UBR4: variants seen among roughly 807,000 people sequenced by gnomAD.
The protein encoded by UBR4 is E3 ubiquitin-protein ligase UBR4.
Under a neutral mutation model 575.6 loss-of-function variants are expected in UBR4, and 124 were observed. The observed-to-expected ratio is 0.22, with a 90% confidence interval of 0.19 to 0.25. UBR4 has a LOEUF of 0.25. UBR4 is among the 10% of genes least tolerant of loss of function. The pLI is 1.00. For synonymous variants in UBR4, 2,455 were observed against 2,473.7 expected, an observed-to-expected ratio of 0.99 and a Z score of 0.22; for missense variants, 4,818 against 6,478.8, an observed-to-expected ratio of 0.74 and a Z score of 8.80.
chr1:19,087,806 G>C lies in UBR4; in HGVS notation c.14544+10C>G, dbSNP rs768496639. On this transcript the variant is annotated intron_variant, in intron 99 of 105. Transcript: ENST00000375254. ...GCCCTCAGGACCGACCGTAGGCCCAGCAGCTGTACCTGGAACTTGTATCCC... is the reference window on the plus strand; with the variant it reads ...GCCCTCAGGACCGACCGTAGGCCCACCAGCTGTACCTGGAACTTGTATCCC... 2 of 1,604,688 alleles carry C rather than the reference G, an allele frequency of 1.2e-6. No homozygotes were observed. The highest frequency in any genetic ancestry group is 1.7e-6 in the Non-Finnish European group (2 of 1,174,552).
Position 19,187,502 on chromosome 1 carries a change from T to A in UBR4, c.1433A>T (p.Asn478Ile), listed in dbSNP as rs1326706481. Residue 478 changes from asparagine (N) to isoleucine (I), a missense_variant, in exon 12 of 106, where the codon AAC becomes ATC. Around this residue, in one of 29 missense-constraint regions of UBR4, gnomAD observed 162 missense variants for 216.4 expected, o/e 0.75. Transcript: ENST00000375254. ...AGACGTTAGCAGTTTGATGGCATGG[T>A]TTGCCAATATTACTGAGAGTACCCC... ...GFGVLSVILA[N>I]HAIKLLTSLF... The A allele has an allele frequency of 6.2e-7, 1 of 1,613,702 alleles. No individual in the cohort carries two copies. The highest frequency in any genetic ancestry group is 1.7e-5 in the Admixed American group (1 of 60,000).
chr1:19,162,401 G>A lies in UBR4; in HGVS notation c.4956+19C>T, dbSNP rs142198435. 1,102 of 1,602,708 alleles carry A rather than the reference G, an allele frequency of 6.9e-4. 7 individuals carry two copies. The African/African-American group carries it at 0.012, about 18-fold the overall frequency. ...GTCATTACCTTGAGAGGTTAACTTCGAGGTTACTTAGTACTTACTGAATCC... is the reference window on the plus strand; with the variant it reads ...GTCATTACCTTGAGAGGTTAACTTCAAGGTTACTTAGTACTTACTGAATCC... On this transcript the variant is annotated intron_variant, in intron 35 of 105. Coordinates refer to ENST00000375254, the MANE Select transcript of UBR4 (RefSeq NM_020765.3).
chr1:19,156,783 G>T lies in UBR4; in HGVS notation c.5903C>A (p.Ala1968Glu). 1 of 1,613,508 alleles carries T rather than the reference G, an allele frequency of 6.2e-7. No individual in the cohort carries two copies. Among genetic ancestry groups the T allele is most frequent in the East Asian group, 2.2e-5 (1 of 44,868 alleles). Residue 1968 changes from alanine to glutamate, a missense_variant, in exon 41 of 106, where the codon GCG becomes GAG. By Grantham distance (107) the Ala-to-Glu change is moderately radical (BLOSUM62 -1). Coordinates refer to ENST00000375254, the MANE Select transcript of UBR4 (RefSeq NM_020765.3). ...GATTTTTACCTTTAGCCCACAAACC[G>T]CCAAGTAGTCTTCCTTGCAGGGATT... ...TGNPCKEDYL[A>E]VCGLKDCHVL...
At chr1:19,180,392 T>C (rs938532857) in intron 17 of UBR4, among the ~76,000 whole-genome samples, 2 of 152,014 alleles carry the variant, frequency 1.3e-5, no homozygotes, top group African/African-American at 2.4e-5. Flanking sequence ...TTTCACAATG[T>C]TGGCCAGGCT....
rs1018121901 is a variant in UBR4 at position 19,152,388 on chromosome 1, G to T, written c.6921C>A (p.Asp2307Glu). ...GTTGTGCATTATAGACCTGTAGGAGGTCGTTACCACCAAACTCCACATCTG... is the reference window on the plus strand; with the variant it reads ...GTTGTGCATTATAGACCTGTAGGAGTTCGTTACCACCAAACTCCACATCTG... ...QLTDVEFGGN[D>E]LLQVYNAQQI... Residue 2307 changes from aspartate (D) to glutamate (E), a missense_variant, in exon 47 of 106, where the codon GAC (aspartate) becomes GAA (glutamate). This residue lies in a region of UBR4 where 461 missense variants were observed against 606.9 expected (regional missense o/e 0.76). Transcript: ENST00000375254. The surrounding 1 kb of genome is among the most constrained non-coding windows in gnomAD (Gnocchi z 4.4). 6.2e-7 allele frequency: 1 copy of T among 1,613,820 alleles called. No individual in the cohort carries two copies. Among genetic ancestry groups the T allele is most frequent in the African/African-American group, 1.3e-5 (1 of 74,894 alleles).
At chr1:19,082,070 T>G (rs2076571816) in intron 102 of UBR4, 1 of 435,334 alleles carries the variant, frequency 2.3e-6, no homozygotes, top group African/African-American at 2.0e-5. Flanking sequence ...TGGTTTGCAC[T>G]AAATGTGCAT....
Position 19,139,336 on chromosome 1 carries a change from C to T in UBR4, c.8594-116G>A. On this transcript the variant is annotated intron_variant, in intron 58 of 105. Coordinates refer to ENST00000375254, the MANE Select transcript of UBR4 (RefSeq NM_020765.3). This position sits in a 1 kb window ranked among gnomAD's most constrained non-coding sequence, Gnocchi z 4.2. ...GCATCAAACCACATAGTGCATAGGA[C>T]ACAATGCAGTTTATATATCCTGTCG... 3 of 1,292,256 alleles carry T rather than the reference C, an allele frequency of 2.3e-6. No individual in the cohort carries two copies. The highest frequency in any genetic ancestry group is 3.1e-5 in the Admixed American group (1 of 32,220). 80.0% of individuals were successfully genotyped at this position (1,292,256 alleles called of 1,614,324 possible).
Position 19,151,692 on chromosome 1 carries a change from G to A in UBR4, c.7164C>T (p.Pro2388=), listed in dbSNP as rs1036648805. The change falls in exon 48 of 106, where the codon CCC becomes CCT. Residue 2388 remains proline, a synonymous_variant. Coordinates refer to ENST00000375254, the MANE Select transcript of UBR4 (RefSeq NM_020765.3). ...NLSRSRWFDF[P]FTREEALQAD... is the part of the protein sequence containing the mutation. Reference sequence around the variant, plus strand: ...CCTGCAGGGCTTCTTCTCTGGTGAAGGGGAAGTCAAACCAGCGTGAGCGAC... The same window carrying A: ...CCTGCAGGGCTTCTTCTCTGGTGAAAGGGAAGTCAAACCAGCGTGAGCGAC... 1.2e-6 allele frequency: 2 copies of A among 1,614,056 alleles called. No homozygotes were observed. Among genetic ancestry groups the A allele is most frequent in the African/African-American group, 2.7e-5 (2 of 74,924 alleles).
At chr1:19,136,377 T>A (rs983981649) in intron 60 of UBR4, among the ~76,000 whole-genome samples, 2 of 152,204 alleles carry the variant, frequency 1.3e-5, no homozygotes, top group Non-Finnish European at 2.9e-5. Flanking sequence ...TAAAGTCTTC[T>A]AAGATCCTCA....
chr1:19,138,020 G>T lies in UBR4; in HGVS notation c.8893C>A (p.His2965Asn), dbSNP rs1203755065. Residue 2965 changes from histidine to asparagine, a missense_variant, in exon 60 of 106, where the codon CAC (histidine) becomes AAC (asparagine). By Grantham distance (68) the His-to-Asn change is moderately conservative. Coordinates refer to ENST00000375254, the MANE Select transcript of UBR4 (RefSeq NM_020765.3). ...CTAGGTCTTGACCTGTTGCTAGTGT[G>T]GACATCTCCTTCAGTTTCTCCTTCT... ...EGEGETEGDV[H>N]TSNRLHMVRL... The T allele has an allele frequency of 6.4e-7, 1 of 1,557,294 alleles. No individual in the cohort carries two copies. The highest frequency in any genetic ancestry group is 8.7e-7 in the Non-Finnish European group (1 of 1,145,638).
chr1:19,145,286 T>C (rs530453622), intron 53 of UBR4, among the ~76,000 whole-genome samples: 16 of 152,214 alleles, frequency 1.1e-4, no homozygotes, highest in African/African-American at 3.6e-4. Flanking sequence ...GCCTTTTAGG[T>C]TTACCACCCA....
In UBR4 at chr1:19,100,261, CTG is replaced by C; in HGVS notation, c.13221+113_13221+114del. The C allele has an allele frequency of 1.7e-6, 2 of 1,160,174 alleles. No homozygotes were observed. Among genetic ancestry groups the C allele is most frequent in the Non-Finnish European group, 2.5e-6 (2 of 796,318 alleles). The allele number at this position is 1,160,174 out of a possible 1,614,324, so 71.9% of individuals were successfully genotyped here. ...AACCCCAACTTACAGAGTGGAGAAA[CTG>C]AAGGCCACCTGCCCCAAGTTAATCA... On this transcript the variant is annotated intron_variant, in intron 89 of 105. Coordinates refer to ENST00000375254, the MANE Select transcript of UBR4 (RefSeq NM_020765.3). This position sits in a 1 kb window ranked among gnomAD's most constrained non-coding sequence, Gnocchi z 4.2.
At chr1:19,133,666 T>C (rs938164256) in intron 60 of UBR4, among the ~76,000 whole-genome samples, 4 of 152,100 alleles carry the variant, frequency 2.6e-5, no homozygotes, top group African/African-American at 9.7e-5. Context: ...AATAAATAAA[T>C]GAGCTGGGTG....
chr1:19,207,037 C>A (rs1262768745), intron 1 of UBR4, among the ~76,000 whole-genome samples: 1 of 151,982 alleles, frequency 6.6e-6, no homozygotes, highest in Non-Finnish European at 1.5e-5. Context: ...CATGATGGAG[C>A]CAGGATATCA....
At chr1:19,148,685 G>C in intron 49 of UBR4, 59 bp from the exon 50 acceptor site, 2 of 1,594,328 alleles carry the variant, frequency 1.3e-6, no homozygotes, top group South Asian at 2.2e-5. Flanking sequence ...TTGCGCTTTA[G>C]CCTAAGCAAA....
chr1:19,082,114 G>C (rs1007025436), intron 102 of UBR4: 2 of 313,054 alleles, frequency 6.4e-6, no homozygotes, highest in Non-Finnish European at 1.2e-5. Flanking sequence ...CTTCCGGTTT[G>C]TCTTCTTCTG....
chr1:19,093,837 CGAG>C lies in UBR4; in HGVS notation c.13937+109_13937+111del, dbSNP rs1410989269. 4 of 1,262,872 alleles carry C rather than the reference CGAG, an allele frequency of 3.2e-6. No individual in the cohort carries two copies. The highest frequency in any genetic ancestry group is 1.5e-5 in the African/African-American group (1 of 66,372). The allele number at this position is 1,262,872 out of a possible 1,614,324, so 78.2% of individuals were successfully genotyped here. A position where few individuals can be genotyped will look rare whatever the true frequency, so the allele number is the denominator to read the frequency against. On this transcript the variant is annotated intron_variant, in intron 95 of 105. Coordinates refer to ENST00000375254, the MANE Select transcript of UBR4 (RefSeq NM_020765.3). The surrounding 1 kb of genome is among the most constrained non-coding windows in gnomAD (Gnocchi z 4.8). ...AGACTGAGCTCCTTAAAAGCCAGAA[CGAG>C]GACACAAAAATCTAATAGGTATTCA... is the stretch of plus-strand genomic sequence containing the variant.
intron 5 of UBR4, 145 bp from the exon 6 acceptor site, chr1:19,198,194 G>A: frequency 2.4e-6 from 2 of 835,802 alleles, no homozygotes; most frequent in South Asian, 1.8e-5. Context: ...GAAAATACAG[G>A]TTACATTTTC....
chr1:19,113,920 A>C lies in UBR4; in HGVS notation c.11328+25T>G, dbSNP rs766083984. On this transcript the variant is annotated intron_variant, in intron 76 of 105. Coordinates refer to ENST00000375254, the MANE Select transcript of UBR4 (RefSeq NM_020765.3). ...TGATCAAGACCCAAGCCCTTATCCA[A>C]ATGCCCTTTGCAGCGTGGGACTACC... is the stretch of plus-strand genomic sequence containing the variant. 3.1e-6 allele frequency: 5 copies of C among 1,614,050 alleles called. No individual in the cohort carries two copies. The Admixed American group carries it at 5.0e-5, about 16-fold the overall frequency.
Sources: gnomAD v4.1 joint callset for allele counts (sites outside exome capture counted in the v4.1 genomes callset) on GRCh38, gnomAD v4.1.1 for gene constraint, gnomAD v4.1.1 regional missense constraint, Gnocchi (gnomAD v3.1) non-coding constraint, MANE v1.5 for transcripts, NCBI Gene and HGNC (gene_info 2026-07-23, HGNC 2026-07-21) for gene names.